Variants in SLC17A1 observed in about 807,000 individuals in gnomAD.
SLC17A1 encodes solute carrier family 17 member 1, also known as sodium-dependent phosphate transport protein 1.
In SLC17A1, 51 loss-of-function variants were observed where a neutral mutation model predicts 53.5. The observed-to-expected ratio is 0.95, with a 90% CI of 0.76 to 1.20. The LOEUF (loss-of-function observed/expected upper bound fraction) is 1.20. Among genes scored for constraint, SLC17A1 ranks in the 50% most tolerant of loss-of-function variants. The probability of loss-of-function intolerance (pLI) is 0.00; values close to 1 mark genes in which losing one functional copy is unlikely to be tolerated. For synonymous variants in SLC17A1, 179 were observed against 198.8 expected (o/e 0.90, Z 0.84); for missense variants, 538 against 568.2 (o/e 0.95, Z 0.54).
intron 2 of SLC17A1, among the ~76,000 whole-genome samples, chr6:25,829,126 T>G (rs960867103): frequency 2.6e-5 from 4 of 152,164 alleles, no homozygotes; most frequent in African/African-American, 7.2e-5. Context: ...AAGTTGGGCC[T>G]TGAAGTCAGA....
intron 8 of SLC17A1, 33 bp downstream of exon 8, chr6:25,812,798 G>T (rs1385443606): frequency 6.6e-7 from 1 of 1,522,052 alleles, no homozygotes; most frequent in Admixed American, 1.8e-5. Flanking sequence ...AGTCTTTCGT[G>T]AAGTTAAAAA....
chr6:25,812,753 G>C (rs1231540079), intron 8 of SLC17A1, 78 bp downstream of exon 8: 6 of 1,070,452 alleles, frequency 5.6e-6, no homozygotes, highest in Non-Finnish European at 8.1e-6. Context: ...CAAGAGCTGC[G>C]ACTAGGGTCG....
chr6:25,733,782 C>CTGTGTG, the SLC17A1 span, among the ~76,000 whole-genome samples: 61 of 144,640 alleles, frequency 4.2e-4, 1 homozygote, highest in African/African-American at 1.5e-3. Context: ...AAGCCTAATA[C>CTGTGTG]TGTGTGTGTG....
the SLC17A1 span, chr6:25,776,530 A>G: frequency 6.6e-5 from 101 of 1,533,460 alleles, 1 homozygote; most frequent in Admixed American, 2.0e-3. Context: ...AGTCTGTCCA[A>G]GGTTGTCTGT....
At chr6:25,777,735 G>C in the SLC17A1 span, 1 of 570,124 alleles carries the variant, frequency 1.8e-6, no homozygotes, top group Non-Finnish European at 3.1e-6. Flanking sequence ...TCATTGGTCA[G>C]TACATTTCAT....
chr6:25,815,391 T>G (rs1764313790), intron 6 of SLC17A1, among the ~76,000 whole-genome samples: 1 of 151,288 alleles, frequency 6.6e-6, no homozygotes, highest in South Asian at 2.1e-4. Flanking sequence ...AAAAAAAAAG[T>G]TACAACCTGA....
chr6:25,727,594 G>A, the SLC17A1 span, among the ~76,000 whole-genome samples: 1 of 151,620 alleles, frequency 6.6e-6, no homozygotes, highest in East Asian at 2.0e-4. Context: ...GTTTCACCAT[G>A]TTGGCCAGGA....
the SLC17A1 span, among the ~76,000 whole-genome samples, chr6:25,738,430 TG>T: frequency 6.6e-6 from 1 of 152,200 alleles, no homozygotes; most frequent in African/African-American, 2.4e-5. Flanking sequence ...TATTTAAATA[TG>T]AAAAATGTAA....
At chr6:25,810,876 GC>G (rs1764130660) in intron 10 of SLC17A1, among the ~76,000 whole-genome samples, 1 of 152,072 alleles carries the variant, frequency 6.6e-6, no homozygotes, top group Admixed American at 6.6e-5. Flanking sequence ...CAGATGAATG[GC>G]ATAACAAACA....
At chr6:25,814,847 G>A (rs1488978742) in intron 6 of SLC17A1, among the ~76,000 whole-genome samples, 2 of 151,942 alleles carry the variant, frequency 1.3e-5, no homozygotes, top group African/African-American at 2.4e-5. Flanking sequence ...TTAGCCGGGC[G>A]TAGCTATGTG....
the SLC17A1 span, chr6:25,727,314 TC>T: frequency 6.4e-7 from 1 of 1,558,610 alleles, no homozygotes; most frequent in Non-Finnish European, 8.7e-7. Context: ...AAACGTCATT[TC>T]TAACCCAAAG....
At chr6:25,799,689 G>GTT (rs2151480453) in intron 11 of SLC17A1, among the ~76,000 whole-genome samples, 1 of 152,336 alleles carries the variant, frequency 6.6e-6, no homozygotes, top group Non-Finnish European at 1.5e-5. Flanking sequence ...CTTATAGGCA[G>GTT]AGACAATTTT....
downstream of SLC17A1, among the ~76,000 whole-genome samples, chr6:25,781,486 G>A (rs1252765504): frequency 6.7e-6 from 1 of 149,556 alleles, no homozygotes; most frequent in Non-Finnish European, 1.5e-5. Context: ...TGGTGTCTTT[G>A]TCGCTTTTGT....
chr6:25,756,808 G>T, the SLC17A1 span, among the ~76,000 whole-genome samples: 2 of 152,300 alleles, frequency 1.3e-5, no homozygotes, highest in South Asian at 4.2e-4. Context: ...ATCAATGAAT[G>T]AACTTGCGGC....
Position 25,811,559 on chromosome 6 carries a change from C to T in SLC17A1, c.1031-14G>A. ...GAAGGAGAAATCCTGGGGAGTGATT[C>T]AGACAACATAGTCAGGTGCATCCTA... On this transcript the variant is annotated splice_polypyrimidine_tract_variant and intron_variant, in intron 9 of 12. Transcript: ENST00000244527. 1 of 1,613,626 alleles carries T rather than the reference C, an allele frequency of 6.2e-7. No homozygotes were observed. The highest frequency in any genetic ancestry group is 8.5e-7 in the Non-Finnish European group (1 of 1,179,732).
At chr6:25,768,983 A>G in the SLC17A1 span, 3 of 1,613,800 alleles carry the variant, frequency 1.9e-6, no homozygotes, top group Admixed American at 5.0e-5. Flanking sequence ...TTTTCCTCTC[A>G]GGTTTTTGTT....
intron 10 of SLC17A1, among the ~76,000 whole-genome samples, chr6:25,808,408 C>A (rs967172036): frequency 7.9e-5 from 12 of 151,810 alleles, no homozygotes; most frequent in African/African-American, 2.9e-4. Flanking sequence ...GTACACTATT[C>A]CCCTGATGGA....
chr6:25,741,485 C>T, the SLC17A1 span, among the ~76,000 whole-genome samples: 2 of 150,150 alleles, frequency 1.3e-5, no homozygotes, highest in Non-Finnish European at 2.9e-5. Flanking sequence ...GAGGCCGAGG[C>T]GAGTGGATCA....
intron 10 of SLC17A1, among the ~76,000 whole-genome samples, chr6:25,806,278 C>G (rs771676550): frequency 3.3e-5 from 5 of 151,718 alleles, no homozygotes; most frequent in Non-Finnish European, 7.4e-5. Context: ...AAAATAAAAC[C>G]CATATGATCA....
Sources: gnomAD v4.1 joint callset for allele counts (sites outside exome capture counted in the v4.1 genomes callset) on GRCh38, gnomAD v4.1.1 for gene constraint, MANE v1.5 for transcripts, NCBI Gene and HGNC (gene_info 2026-07-23, HGNC 2026-07-21) for gene names.